The following TRMT10A variants were observed in gnomAD, a reference collection of about 807,000 sequenced individuals.
TRMT10A encodes tRNA methyltransferase 10 homolog A.
A neutral mutation model predicts 40.4 loss-of-function variants in TRMT10A; 37 were observed. That is an observed-to-expected ratio of 0.92 (90% CI 0.71 to 1.21). The LOEUF is 1.21. Among genes scored for constraint, TRMT10A ranks in the 50% most tolerant of loss-of-function variants. The pLI is 0.00. For synonymous variants in TRMT10A, 103 were observed against 134.1 expected (o/e 0.77, Z 1.60); for missense variants, 388 against 404.3 (o/e 0.96, Z 0.35).
chr4:99,563,424 C>G (rs955295532), intron 1 of TRMT10A: 1 of 160,778 alleles, frequency 6.2e-6, no homozygotes, highest in Non-Finnish European at 1.4e-5. Context: ...GACGTCAGCC[C>G]TTTGCAGGAA....
intron 5 of TRMT10A, among the ~76,000 whole-genome samples, chr4:99,554,722 CAAAAAAAAAAAA>C (rs532448105): frequency 2.2e-5 from 2 of 90,884 alleles, no homozygotes; most frequent in South Asian, 4.0e-4. Flanking sequence ...GACTACGTTT[CAAAAAAAAAAAA>C]AAAAAAAGAA....
At chr4:99,559,394 A>G in intron 1 of TRMT10A, 33 bp from the exon 2 acceptor site, 1 of 1,410,302 alleles carries the variant, frequency 7.1e-7, no homozygotes, top group Non-Finnish European at 9.6e-7. Context: ...TACAAGCACA[A>G]AAAAGTTAAA....
chr4:99,549,551 C>A (rs1187349197), intron 7 of TRMT10A, among the ~76,000 whole-genome samples, 195 bp from the exon 8 acceptor site: 1 of 152,148 alleles, frequency 6.6e-6, no homozygotes. Flanking sequence ...TCCTATCTAG[C>A]TTTTTCTCAG....
intron 5 of TRMT10A, among the ~76,000 whole-genome samples, chr4:99,554,669 C>T (rs968107366): frequency 3.0e-5 from 4 of 134,356 alleles, no homozygotes; most frequent in African/African-American, 5.8e-5. Flanking sequence ...TGCAGTGAGC[C>T]GAGATTGCAC....
intron 2 of TRMT10A, among the ~76,000 whole-genome samples, chr4:99,558,904 C>G (rs981775048): frequency 6.6e-6 from 1 of 152,118 alleles, no homozygotes; most frequent in Non-Finnish European, 1.5e-5. Flanking sequence ...AGTGCAAGAT[C>G]ATCAACAGTG....
At chr4:99,555,080 A>G (rs545178831) in intron 5 of TRMT10A, among the ~76,000 whole-genome samples, 29 of 152,350 alleles carry the variant, frequency 1.9e-4, no homozygotes, top group African/African-American at 4.8e-4. Context: ...TTAGAGACCA[A>G]TGAATCTCAA....
intron 5 of TRMT10A, among the ~76,000 whole-genome samples, chr4:99,554,915 T>C (rs1264379336): frequency 1.3e-5 from 2 of 152,120 alleles, no homozygotes; most frequent in Admixed American, 6.6e-5. Flanking sequence ...GCATAAAAGA[T>C]GTATCACCAG....
intron 1 of TRMT10A, among the ~76,000 whole-genome samples, chr4:99,560,097 G>A (rs1724328831): frequency 6.6e-6 from 1 of 151,834 alleles, no homozygotes; most frequent in African/African-American, 2.4e-5. Flanking sequence ...TAGAATGAGG[G>A]AAACTACAAA....
intron 1 of TRMT10A, among the ~76,000 whole-genome samples, chr4:99,562,284 GTTA>G (rs898797151): frequency 6.7e-6 from 1 of 149,894 alleles, no homozygotes; most frequent in African/African-American, 2.5e-5. Context: ...GCAGACATAG[GTTA>G]TTAAGTGGGC....
In TRMT10A at chr4:99,553,797, G is replaced by A; in HGVS notation, c.633C>T (p.His211=). The A allele has an allele frequency of 2.5e-6, 4 of 1,608,458 alleles. No individual in the cohort carries two copies. The highest frequency in any genetic ancestry group is 3.4e-6 in the Non-Finnish European group (4 of 1,178,570). The change falls in exon 6 of 8, where the codon CAC becomes CAT. Residue 211 remains histidine (H), a synonymous_variant. Transcript: ENST00000394876. ...KAYVIGGLVD[H]NHHKGLTYKQ... ...AATTTAATAGTACCTTGTGATGGTT[G>A]TGATCTACTAATCCTCCAATCACAT... is the stretch of plus-strand genomic sequence containing the variant.
intron 1 of TRMT10A, among the ~76,000 whole-genome samples, chr4:99,560,263 G>T (rs1342193809): frequency 6.6e-6 from 1 of 152,108 alleles, no homozygotes; most frequent in African/African-American, 2.4e-5. Context: ...GAACAAGACA[G>T]AAAGTTGTGA....
chr4:99,560,782 C>T (rs1038482603), intron 1 of TRMT10A, among the ~76,000 whole-genome samples: 1 of 151,876 alleles, frequency 6.6e-6, no homozygotes, highest in African/African-American at 2.4e-5. Flanking sequence ...AAAACGACAC[C>T]GAGTGGAGGA....
At position 99,548,919 on chromosome 4, in the gene TRMT10A, T is replaced by A. The variant is rs562789628; in HGVS notation, c.*169A>T. 261 of 621,258 alleles carry A rather than the reference T, an allele frequency of 4.2e-4. No individual in the cohort carries two copies. The highest frequency in any genetic ancestry group is 5.9e-4 in the Non-Finnish European group (241 of 406,852). 38.5% of individuals were successfully genotyped at this position (621,258 alleles called of 1,614,324 possible). A position where few individuals can be genotyped will look rare whatever the true frequency, so the allele number is the denominator to read the frequency against. On this transcript the variant is annotated 3_prime_UTR_variant, in exon 8 of 8. Transcript: ENST00000394876. ...TACGCAAAATCAAAAAATATTTCCT[T>A]ACAAAGTTTAAAGGGCTTTTTTTTT...
rs1197788113 is a variant in TRMT10A at position 99,548,112 on chromosome 4, TATC to T, written c.*973_*975del. 2 of 152,280 alleles carry T rather than the reference TATC, an allele frequency of 1.3e-5. No homozygotes were observed. Among genetic ancestry groups the T allele is most frequent in the Non-Finnish European group, 2.9e-5 (2 of 67,984 alleles). 9.4% of individuals were successfully genotyped at this position (152,280 alleles called of 1,614,324 possible). ...CAGATATATGGCAATTCAATCATGT[TATC>T]ATCAATTAAGAACTGAGAGCCATAC... is the stretch of plus-strand genomic sequence containing the variant. On this transcript the variant is annotated 3_prime_UTR_variant, in exon 8 of 8. Coordinates refer to ENST00000394876, the MANE Select transcript of TRMT10A (RefSeq NM_001134665.3).
At chr4:99,558,414 A>C (rs190277915) in intron 2 of TRMT10A, among the ~76,000 whole-genome samples, 3 of 152,216 alleles carry the variant, frequency 2.0e-5, no homozygotes, top group Admixed American at 6.5e-5. Context: ...TGAGCTTCCA[A>C]AAATGATCTA....
chr4:99,557,838 A>G, intron 3 of TRMT10A: 1 of 500,774 alleles, frequency 2.0e-6, no homozygotes. Context: ...CTGTCTGCAC[A>G]CATACTGACA....
At chr4:99,563,842 T>G in intron 1 of TRMT10A, 71 bp downstream of exon 1, 1 of 664,498 alleles carries the variant, frequency 1.5e-6, no homozygotes, top group Non-Finnish European at 2.8e-6. Flanking sequence ...GGGGGCTGCA[T>G]GGCACGCGCC....
At chr4:99,554,813 C>T (rs1578208832) in intron 5 of TRMT10A, among the ~76,000 whole-genome samples, 1 of 150,636 alleles carries the variant, frequency 6.6e-6, no homozygotes, top group African/African-American at 2.4e-5. Flanking sequence ...CAAAGAGACA[C>T]ACATTTGAAA....
intron 1 of TRMT10A, among the ~76,000 whole-genome samples, chr4:99,561,228 G>A (rs528963238): frequency 6.6e-6 from 1 of 152,248 alleles, no homozygotes; most frequent in South Asian, 2.1e-4. Flanking sequence ...GCCTCCTGAA[G>A]TGCTGGGATT....
Sources: allele counts gnomAD v4.1 joint callset (sites outside exome capture counted in the v4.1 genomes callset), GRCh38; gene constraint gnomAD v4.1.1; transcripts MANE v1.5; gene names NCBI Gene and HGNC (gene_info 2026-07-23, HGNC 2026-07-21).